NR3C1: variants seen among roughly 807,000 people sequenced by gnomAD.
The protein encoded by NR3C1 is glucocorticoid receptor.
NR3C1 carries 14 observed loss-of-function variants against 74.0 expected under a neutral mutation model. The ratio of observed to expected loss-of-function variants is 0.19; its 90% CI spans 0.12 to 0.30. The LOEUF (loss-of-function observed/expected upper bound fraction) is 0.30. NR3C1 is among the 10% of genes least tolerant of loss of function. The probability of loss-of-function intolerance (pLI) is 1.00; values close to 1 mark genes in which losing one functional copy is unlikely to be tolerated. For synonymous variants in NR3C1, 308 were observed against 332.5 expected (o/e 0.93, Z 0.80); for missense variants, 695 against 909.8 (o/e 0.76, Z 3.04).
chr5:143,380,967 G>A lies in NR3C1; in HGVS notation c.1184+18689C>T, dbSNP rs545388589. ...ACCTAGAGTAATCAGACAAGAGAAA[G>A]ATATAAAGGGAATCCAAAATGGAAT... On this transcript the variant is annotated intron_variant, in intron 2 of 8. Coordinates refer to ENST00000394464, the MANE Select transcript of NR3C1 (RefSeq NM_000176.3). 2.6e-5 allele frequency among the ~76,000 whole-genome samples: 4 copies of A among 152,176 alleles called. No homozygotes were observed. The South Asian group carries it at 8.3e-4, about 32-fold the overall frequency.
chr5:143,322,791 T>G (rs1823654666), intron 2 of NR3C1, among the ~76,000 whole-genome samples: 1 of 152,206 alleles, frequency 6.6e-6, no homozygotes, highest in African/African-American at 2.4e-5. Flanking sequence ...AGGCAAAGGC[T>G]TAATTCTTTA....
At chr5:143,294,319 A>T in intron 7 of NR3C1, 2 of 926,830 alleles carry the variant, frequency 2.2e-6, no homozygotes, top group Non-Finnish European at 2.6e-6. Context: ...CTATTAACTC[A>T]GTATTTAATA....
chr5:143,350,096 C>T (rs1174550874), intron 2 of NR3C1, among the ~76,000 whole-genome samples: 2 of 152,118 alleles, frequency 1.3e-5, no homozygotes, highest in Admixed American at 1.3e-4. Flanking sequence ...AAAAAGCTCA[C>T]CAAATCATAA....
chr5:143,303,033 TA>T (rs1818817981), intron 4 of NR3C1, among the ~76,000 whole-genome samples: 1 of 151,884 alleles, frequency 6.6e-6, no homozygotes, highest in Admixed American at 6.6e-5. Flanking sequence ...GATAGACCAC[TA>T]GCAAGATTAA....
chr5:143,402,725 C>G, intron 1 of NR3C1: 1 of 985,406 alleles, frequency 1.0e-6, no homozygotes, highest in South Asian at 4.7e-5. Flanking sequence ...ACGCCCTCCT[C>G]AAGCCAGGCG....
intron 1 of NR3C1, 36 bp from the exon 2 acceptor site, chr5:143,400,888 C>T (rs757148681): frequency 6.1e-6 from 9 of 1,487,020 alleles, no homozygotes; most frequent in African/African-American, 1.4e-5. Flanking sequence ...GGGAAAACAT[C>T]ATAAGCTCTA....
At chr5:143,339,008 G>T (rs116922188) in intron 2 of NR3C1, among the ~76,000 whole-genome samples, 2 of 152,234 alleles carry the variant, frequency 1.3e-5, no homozygotes, top group East Asian at 3.9e-4. Flanking sequence ...TGCCTGCAGT[G>T]TTCAGTACAG....
chr5:143,335,265 T>C (rs1178019771), intron 2 of NR3C1, among the ~76,000 whole-genome samples: 2 of 152,192 alleles, frequency 1.3e-5, no homozygotes, highest in African/African-American at 2.4e-5. Flanking sequence ...TCAATACAGC[T>C]ATGATCCCCA....
rs1368210564 is a variant in NR3C1 at position 143,281,210 on chromosome 5, C to G, written c.*679G>C. ...CTAAGTGCCATCAGGTTAGAAGCAC[C>G]AACCCATTTTCACACAGATGATTGA... On this transcript the variant is annotated 3_prime_UTR_variant, in exon 9 of 9. Transcript: ENST00000394464. 6.6e-6 allele frequency: 1 copy of G among 150,504 alleles called. No homozygotes were observed. Among genetic ancestry groups the G allele is most frequent in the Non-Finnish European group, 1.5e-5 (1 of 67,774 alleles). 9.3% of individuals were successfully genotyped at this position (150,504 alleles called of 1,614,324 possible). A position where few individuals can be genotyped will look rare whatever the true frequency, so the allele number is the denominator to read the frequency against.
chr5:143,424,981 G>A (rs144280400), intron 1 of NR3C1, among the ~76,000 whole-genome samples: 55 of 152,188 alleles, frequency 3.6e-4, no homozygotes, highest in African/African-American at 1.1e-3. Flanking sequence ...CTCACAAAAC[G>A]TACTACTACT....
chr5:143,402,650 C>T, intron 1 of NR3C1: 8 of 985,550 alleles, frequency 8.1e-6, no homozygotes, highest in Non-Finnish European at 9.6e-6. Flanking sequence ...ATAACGCCGG[C>T]CCCGGCCGCA....
rs78330480 is a variant in NR3C1 at position 143,306,746 on chromosome 5, C to T, written c.1468+3351G>A. 1.4e-3 allele frequency among the ~76,000 whole-genome samples: 215 copies of T among 152,136 alleles called. 4 individuals carry two copies. The East Asian group carries it at 0.033, about 24-fold the overall frequency. ...TAGAAGAATGTATATCAAAGACTAA[C>T]ATGTAGTAGTTTTCAACAAATGCCA... is the stretch of plus-strand genomic sequence containing the variant. On this transcript the variant is annotated intron_variant, in intron 4 of 8. Coordinates refer to ENST00000394464, the MANE Select transcript of NR3C1 (RefSeq NM_000176.3).
intron 1 of NR3C1, among the ~76,000 whole-genome samples, chr5:143,433,460 A>ATATATAATTTATTTATTTAAATTATT (rs1413693943): frequency 6.8e-6 from 1 of 146,006 alleles, no homozygotes; most frequent in African/African-American, 2.5e-5. Flanking sequence ...AATTATATAT[A>ATATATAATTTATTTATTTAAATTATT]TATATATATA....
In NR3C1 at chr5:143,282,609, G is replaced by A. The variant is rs771583164; in HGVS notation, c.2140C>T (p.Arg714Trp). Residue 714 changes from arginine to tryptophan, a missense_variant, in exon 8 of 9, where the codon CGG (arginine) becomes TGG (tryptophan). Arg to Trp is a moderately radical substitution (Grantham distance 101). Transcript: ENST00000394464. ...AAGAGTTTTGTCAGTTGATAAAACC[G>A]CTGCCAGTTCTGGCTGGAGTTTCCT... The part of the protein sequence containing the change: ...REGNSSQNWQ[R>W]FYQLTKLLDS... 2 of 1,613,912 alleles carry A rather than the reference G, an allele frequency of 1.2e-6. No individual in the cohort carries two copies. The highest frequency in any genetic ancestry group is 1.7e-6 in the Non-Finnish European group (2 of 1,179,902).
At chr5:143,368,840 G>A (rs546638829) in intron 2 of NR3C1, among the ~76,000 whole-genome samples, 33 of 152,084 alleles carry the variant, frequency 2.2e-4, no homozygotes, top group Non-Finnish European at 4.6e-4. Context: ...TCTGGAGGCT[G>A]GGAAGTCCAA....
At chr5:143,419,023 G>A (rs72802806) in intron 1 of NR3C1, among the ~76,000 whole-genome samples, 22,740 of 152,124 alleles carry the variant, frequency 0.15, 2,108 homozygotes, top group Non-Finnish European at 0.22. Flanking sequence ...TTCTGAAATC[G>A]GAAATGCTCC....
intron 2 of NR3C1, among the ~76,000 whole-genome samples, chr5:143,338,366 C>CA (rs1371106197): frequency 6.9e-6 from 1 of 144,820 alleles, no homozygotes; most frequent in Admixed American, 6.9e-5. Context: ...TGTTAACTGT[C>CA]AAACACTCTC....
At chr5:143,429,368 A>G (rs1424340691) in intron 1 of NR3C1, among the ~76,000 whole-genome samples, 3 of 152,222 alleles carry the variant, frequency 2.0e-5, no homozygotes, top group Admixed American at 2.0e-4. Flanking sequence ...TGAATACCTC[A>G]TTCTTGTGTA....
intron 1 of NR3C1, among the ~76,000 whole-genome samples, chr5:143,420,784 C>CG (rs1751189910): frequency 6.6e-6 from 1 of 152,134 alleles, no homozygotes; most frequent in African/African-American, 2.4e-5. Flanking sequence ...AACCCAGTCA[C>CG]TGCTTCTTTT....
Sources: allele counts gnomAD v4.1 joint callset (sites outside exome capture counted in the v4.1 genomes callset), GRCh38; gene constraint gnomAD v4.1.1; transcripts MANE v1.5; gene names NCBI Gene and HGNC (gene_info 2026-07-23, HGNC 2026-07-21).